The following EIF2AK2 variants were observed in gnomAD, a reference collection of about 807,000 sequenced individuals.
EIF2AK2 encodes eukaryotic translation initiation factor 2 alpha kinase 2, also known as interferon-induced, double-stranded RNA-activated protein kinase.
A neutral mutation model predicts 70.5 loss-of-function variants in EIF2AK2; 40 were observed. The ratio of observed to expected loss-of-function variants is 0.57; its 90% CI spans 0.44 to 0.74. The LOEUF is 0.74. Ranked by LOEUF, EIF2AK2 falls within the 30% of genes least tolerant of loss-of-function variation. EIF2AK2 has a pLI of 0.00. For synonymous variants in EIF2AK2, 198 were observed against 220.9 expected (o/e 0.90, Z 0.92); for missense variants, 555 against 644.3 (o/e 0.86, Z 1.50).
At chr2:37,118,791 A>C (rs1674434147) in intron 13 of EIF2AK2, among the ~76,000 whole-genome samples, 3 of 152,210 alleles carry the variant, frequency 2.0e-5, no homozygotes, top group Admixed American at 2.0e-4. Context: ...TTTAAGGGCT[A>C]CTCATTCCTC....
At chr2:37,147,664 A>G (rs775145604) in intron 3 of EIF2AK2, 24 bp downstream of exon 3, 3 of 1,461,458 alleles carry the variant, frequency 2.1e-6, no homozygotes, top group Non-Finnish European at 2.9e-6. Flanking sequence ...TATGGCTGCC[A>G]TATCATTTTT....
chr2:37,117,223 A>AG (rs1472911216), intron 13 of EIF2AK2, among the ~76,000 whole-genome samples: 1 of 150,414 alleles, frequency 6.6e-6, no homozygotes, highest in East Asian at 1.9e-4. Context: ...AAAAAAAAAA[A>AG]AAAAGAAAAA....
chr2:37,149,644 C>A (rs1675675420), intron 1 of EIF2AK2, among the ~76,000 whole-genome samples: 1 of 152,116 alleles, frequency 6.6e-6, no homozygotes, highest in African/African-American at 2.4e-5. Flanking sequence ...GGTAAGGAAA[C>A]TGGTGTTGTT....
intron 9 of EIF2AK2, 64 bp from the exon 10 acceptor site, chr2:37,135,610 G>T: frequency 7.0e-7 from 1 of 1,418,838 alleles, no homozygotes; most frequent in South Asian, 1.2e-5. Flanking sequence ...CTTATTTAGT[G>T]TTAATGTTAA....
chr2:37,129,074 T>C (rs746911913), intron 10 of EIF2AK2, among the ~76,000 whole-genome samples: 10 of 151,476 alleles, frequency 6.6e-5, no homozygotes, highest in South Asian at 2.1e-4. Flanking sequence ...TCGGAAAAAA[T>C]TACAAAAATT....
chr2:37,139,546 G>C, intron 6 of EIF2AK2, 85 bp downstream of exon 6: 1 of 1,528,594 alleles, frequency 6.5e-7, no homozygotes, highest in Admixed American at 2.0e-5. Flanking sequence ...TGGCTGTCTT[G>C]GCATAATGTT....
chr2:37,122,488 G>A lies in EIF2AK2; in HGVS notation c.1067+18C>T. On this transcript the variant is annotated intron_variant, in intron 12 of 16. Transcript: ENST00000233057. ...TCCTTCCATCCTATTATGGCTATGA[G>A]AATTTATTTTTAGTTACCTTGAACT... 6.2e-7 allele frequency: 1 copy of A among 1,611,748 alleles called. No homozygotes were observed. The highest frequency in any genetic ancestry group is 8.5e-7 in the Non-Finnish European group (1 of 1,179,352).
chr2:37,143,222 CAAA>C (rs34947987), intron 4 of EIF2AK2, among the ~76,000 whole-genome samples: 23 of 112,204 alleles, frequency 2.0e-4, no homozygotes, highest in Admixed American at 5.4e-4. Flanking sequence ...GACTCTGTCT[CAAA>C]AAAAAAAAAA....
chr2:37,125,587 C>G (rs1674701107), intron 11 of EIF2AK2, among the ~76,000 whole-genome samples: 1 of 152,232 alleles, frequency 6.6e-6, no homozygotes, highest in African/African-American at 2.4e-5. Flanking sequence ...TGGAGGTATT[C>G]TGATTGACAG....
chr2:37,109,578 G>C (rs558906139), intron 14 of EIF2AK2: 1 of 288,648 alleles, frequency 3.5e-6, no homozygotes, highest in African/African-American at 2.2e-5. Flanking sequence ...AGATGCAGCA[G>C]GTAAAGCAGT....
chr2:37,120,628 T>C (rs1402418403), intron 12 of EIF2AK2, among the ~76,000 whole-genome samples: 1 of 149,868 alleles, frequency 6.7e-6, no homozygotes, highest in African/African-American at 2.4e-5. Context: ...CAATCATAAG[T>C]TCCCGGATGT....
At chr2:37,126,980 A>AAAAAAAAAAAAAAAAAAAAAAC (rs1674757264) in intron 10 of EIF2AK2, among the ~76,000 whole-genome samples, 1 of 94,634 alleles carries the variant, frequency 1.1e-5, no homozygotes, top group Non-Finnish European at 2.3e-5. Context: ...AAAAAAAAAA[A>AAAAAAAAAAAAAAAAAAAAAAC]AAAAAAAAAA....
Position 37,126,281 on chromosome 2 carries a change from C to T in EIF2AK2, c.908+8G>A, listed in dbSNP as rs778321699. 6.3e-7 allele frequency: 1 copy of T among 1,578,174 alleles called. No individual in the cohort carries two copies. On this transcript the variant is annotated splice_region_variant and intron_variant, in intron 11 of 16. Transcript: ENST00000233057. The stretch of plus-strand genomic sequence containing the variant: ...CCATTCAAAAAAATGTAAACATTTA[C>T]TACTTACTCGTTATTATATTTAACA...
intron 10 of EIF2AK2, among the ~76,000 whole-genome samples, chr2:37,132,236 C>T (rs1164106289): frequency 2.0e-5 from 3 of 152,100 alleles, no homozygotes; most frequent in African/African-American, 2.4e-5. Context: ...CTACTCACAG[C>T]GGGGGCACAA....
rs1194818208 is a variant in EIF2AK2, at chr2:37,114,836, A to T, written c.1272T>A (p.Asp424Glu). 6.3e-7 allele frequency: 1 copy of T among 1,589,774 alleles called. No individual in the cohort carries two copies. The highest frequency in any genetic ancestry group is 8.6e-7 in the Non-Finnish European group (1 of 1,169,578). Reference protein sequence around the residue: ...DLKPSNIFLVDTKQVKIGDFG... With the variant: ...DLKPSNIFLVETKQVKIGDFG... ...AGTCTCCAATCTTTACTTGTTTTGT[A>T]TCTACTAAGAATATATTACTTGGCT... The change falls in exon 14 of 17, where the codon GAT (aspartate) becomes GAA (glutamate). Residue 424 changes from aspartate (D) to glutamate (E), a missense_variant. By Grantham distance (45) the Asp-to-Glu change is conservative (BLOSUM62 2). Around this residue, in one of 3 missense-constraint regions of EIF2AK2, gnomAD observed 299 missense variants for 375.4 expected, o/e 0.80. Coordinates refer to ENST00000233057, the MANE Select transcript of EIF2AK2 (RefSeq NM_001135651.3).
rs1377962792 is a variant in EIF2AK2, at chr2:37,103,155, C to G, written c.*4118G>C. ...AATCAAAAGAAGTTGCTAAGAAATG[C>G]TATATTCATTTAATAAGAGTAGGAA... is the stretch of plus-strand genomic sequence containing the variant. On this transcript the variant is annotated 3_prime_UTR_variant, in exon 17 of 17. Coordinates refer to ENST00000233057, the MANE Select transcript of EIF2AK2 (RefSeq NM_001135651.3). 6.6e-6 allele frequency: 1 copy of G among 151,138 alleles called. No individual in the cohort carries two copies. Among genetic ancestry groups the G allele is most frequent in the African/African-American group, 2.4e-5 (1 of 41,128 alleles). The allele number at this position is 151,138 out of a possible 1,614,324, so 9.4% of individuals were successfully genotyped here. A position where few individuals can be genotyped will look rare whatever the true frequency, so the allele number is the denominator to read the frequency against.
At chr2:37,115,630 G>T (rs1199614849) in intron 13 of EIF2AK2, among the ~76,000 whole-genome samples, 1 of 152,140 alleles carries the variant, frequency 6.6e-6, no homozygotes, top group Non-Finnish European at 1.5e-5. Flanking sequence ...ATGAGTCCAT[G>T]ATCTGATAGG....
intron 15 of EIF2AK2, among the ~76,000 whole-genome samples, chr2:37,108,858 G>A (rs977101497): frequency 6.6e-5 from 10 of 152,286 alleles, no homozygotes; most frequent in East Asian, 3.9e-4. Context: ...GTGAGCCACC[G>A]CGCCCAGCCA....
intron 1 of EIF2AK2, among the ~76,000 whole-genome samples, chr2:37,154,122 T>A (rs1675838936): frequency 1.3e-5 from 2 of 152,098 alleles, no homozygotes; most frequent in Admixed American, 1.3e-4. Context: ...AGGTCGGGAC[T>A]TCAAGACCAG....
Sources: allele counts gnomAD v4.1 joint callset (sites outside exome capture counted in the v4.1 genomes callset), GRCh38; gene constraint gnomAD v4.1.1; regional missense constraint gnomAD v4.1.1; transcripts MANE v1.5; gene names NCBI Gene and HGNC (gene_info 2026-07-23, HGNC 2026-07-21).